The following ASPRV1 variants were observed in gnomAD, a reference collection of about 807,000 sequenced individuals.
The protein encoded by ASPRV1 is aspartic peptidase retroviral like 1.
A neutral mutation model predicts 11.0 loss-of-function variants in ASPRV1; 7 were observed. The ratio of observed to expected loss-of-function variants is 0.64; its 90% confidence interval spans 0.36 to 1.20. ASPRV1 has a LOEUF of 1.20. Ranked by LOEUF, ASPRV1 falls within the 50% of genes most tolerant of loss-of-function variation. The pLI, the probability that ASPRV1 is intolerant of heterozygous loss-of-function variation, is 0.02. For missense variants in ASPRV1, 299 were observed against 320.0 expected, an observed-to-expected ratio of 0.93 and a Z score of 0.50; for synonymous variants, 136 against 138.4, an observed-to-expected ratio of 0.98 and a Z score of 0.12.
At chr2:69,954,392 C>T in the ASPRV1 span, among the ~76,000 whole-genome samples, 1 of 152,356 alleles carries the variant, frequency 6.6e-6, no homozygotes, top group Admixed American at 6.5e-5. Context: ...CCCCATTTTA[C>T]TGCTTCTTAG....
At chr2:70,009,448 G>A in the ASPRV1 span, among the ~76,000 whole-genome samples, 1 of 152,100 alleles carries the variant, frequency 6.6e-6, no homozygotes, top group East Asian at 1.9e-4. Flanking sequence ...TCCTGCCTCA[G>A]CCTCCCGAGT....
chr2:70,066,458 C>T, the ASPRV1 span, among the ~76,000 whole-genome samples: 633 of 151,982 alleles, frequency 4.2e-3, 1 homozygote, highest in Non-Finnish European at 7.4e-3. Flanking sequence ...AGGCTGGTCT[C>T]GAACTCCTGA....
the ASPRV1 span, chr2:69,943,091 G>A: frequency 6.6e-6 from 1 of 152,168 alleles, no homozygotes; most frequent in South Asian, 2.1e-4. Flanking sequence ...CTGTGATGAG[G>A]ATTGAGATTG....
the ASPRV1 span, among the ~76,000 whole-genome samples, chr2:70,034,415 C>G: frequency 6.6e-6 from 1 of 151,492 alleles, no homozygotes; most frequent in African/African-American, 2.4e-5. Flanking sequence ...ACTAAAAATA[C>G]AAAAAATTAG....
the ASPRV1 span, chr2:70,069,056 A>G: frequency 6.6e-6 from 1 of 152,050 alleles, no homozygotes; most frequent in East Asian, 1.9e-4. Flanking sequence ...TCTATAGATG[A>G]AAGACAATGT....
chr2:70,057,287 TG>T, the ASPRV1 span, among the ~76,000 whole-genome samples: 1 of 151,998 alleles, frequency 6.6e-6, no homozygotes, highest in African/African-American at 2.4e-5. Flanking sequence ...AGAAACAGTA[TG>T]GGTATATAAC....
At chr2:69,938,114 G>C in the ASPRV1 span, 4 of 1,614,080 alleles carry the variant, frequency 2.5e-6, no homozygotes, top group Non-Finnish European at 3.4e-6. Flanking sequence ...CGACGTTGAC[G>C]TGGAGAGCAC....
the ASPRV1 span, among the ~76,000 whole-genome samples, chr2:69,980,702 T>G: frequency 6.6e-6 from 1 of 152,248 alleles, no homozygotes; most frequent in African/African-American, 2.4e-5. Context: ...TAGAGGAAGC[T>G]GGATAAAAGA....
At chr2:69,983,692 G>A in the ASPRV1 span, among the ~76,000 whole-genome samples, 2 of 152,206 alleles carry the variant, frequency 1.3e-5, no homozygotes, top group African/African-American at 4.8e-5. Flanking sequence ...GGCCTAAGCG[G>A]GCACTGGTGT....
the ASPRV1 span, among the ~76,000 whole-genome samples, chr2:69,950,454 C>T: frequency 1.1e-4 from 16 of 152,296 alleles, no homozygotes; most frequent in East Asian, 1.5e-3. Context: ...AACACTGTGA[C>T]GTTCGTTTTT....
At chr2:70,032,783 A>C in the ASPRV1 span, among the ~76,000 whole-genome samples, 2 of 152,172 alleles carry the variant, frequency 1.3e-5, no homozygotes, top group Admixed American at 6.6e-5. Flanking sequence ...GTGGCTGAGG[A>C]GGCTGCAGCT....
the ASPRV1 span, among the ~76,000 whole-genome samples, chr2:70,077,693 T>C: frequency 6.7e-6 from 1 of 149,564 alleles, no homozygotes; most frequent in East Asian, 2.0e-4. Flanking sequence ...GCCTCTACTA[T>C]AAACACAAAA....
chr2:70,076,483 A>G, the ASPRV1 span, among the ~76,000 whole-genome samples: 1 of 152,232 alleles, frequency 6.6e-6, no homozygotes, highest in Non-Finnish European at 1.5e-5. Context: ...AGCACTTTAC[A>G]TAGCTGATGG....
chr2:70,041,142 C>A, the ASPRV1 span, among the ~76,000 whole-genome samples: 1 of 152,188 alleles, frequency 6.6e-6, no homozygotes, highest in African/African-American at 2.4e-5. Flanking sequence ...CAAAGCTGAG[C>A]CTTTCCATCT....
At chr2:70,038,346 G>T in the ASPRV1 span, among the ~76,000 whole-genome samples, 1 of 152,154 alleles carries the variant, frequency 6.6e-6, no homozygotes, top group African/African-American at 2.4e-5. Flanking sequence ...CAGTGGCCTG[G>T]GCAACCAGGC....
At chr2:70,077,343 C>A in the ASPRV1 span, 2 of 152,050 alleles carry the variant, frequency 1.3e-5, no homozygotes, top group African/African-American at 4.8e-5. Flanking sequence ...GGGCTGCAGT[C>A]TTTTTATTTC....
the ASPRV1 span, among the ~76,000 whole-genome samples, chr2:70,074,702 C>A: frequency 2.6e-5 from 4 of 152,144 alleles, no homozygotes; most frequent in African/African-American, 9.6e-5. Flanking sequence ...TGGTCAAAAT[C>A]TTCCCATTTT....
chr2:69,935,453 A>G, the ASPRV1 span: 15 of 1,611,234 alleles, frequency 9.3e-6, no homozygotes, highest in South Asian at 1.5e-4. Context: ...CAAAAGCCAA[A>G]TTGCACATAA....
At chr2:69,970,363 C>T in the ASPRV1 span, among the ~76,000 whole-genome samples, 4 of 152,298 alleles carry the variant, frequency 2.6e-5, no homozygotes, top group East Asian at 7.7e-4. Flanking sequence ...CTCCATGGCT[C>T]TTCATCCCAA....
Sources: gnomAD v4.1 joint callset for allele counts (sites outside exome capture counted in the v4.1 genomes callset) on GRCh38, gnomAD v4.1.1 for gene constraint, MANE v1.5 for transcripts, NCBI Gene and HGNC (gene_info 2026-07-23, HGNC 2026-07-21) for gene names.